Variants in RIC1 observed in about 807,000 individuals in gnomAD.
The protein encoded by RIC1 is RIC1 partner of RAB6A GEF complex.
In RIC1, 88 loss-of-function variants were observed where a neutral mutation model predicts 169.0. The observed-to-expected ratio is 0.52, with a 90% CI of 0.44 to 0.62. RIC1 has a LOEUF of 0.62. Among genes scored for constraint, RIC1 ranks in the 20% least tolerant of loss-of-function variants. The pLI is 0.00. For missense variants in RIC1, 1,877 were observed against 1,725.5 expected, an observed-to-expected ratio of 1.09 and a Z score of -1.56; for synonymous variants, 790 against 601.5, an observed-to-expected ratio of 1.31 and a Z score of -4.59.
intron 2 of RIC1, among the ~76,000 whole-genome samples, chr9:5,687,815 T>C (rs2130695070): frequency 6.6e-6 from 1 of 152,364 alleles, no homozygotes; most frequent in South Asian, 2.1e-4. Context: ...ATTTTTTTTC[T>C]GACTCTTACC....
At chr9:5,715,216 A>T (rs1281945883) in intron 4 of RIC1, among the ~76,000 whole-genome samples, 1 of 152,222 alleles carries the variant, frequency 6.6e-6, no homozygotes, top group Non-Finnish European at 1.5e-5. Context: ...CAAGAAAGTA[A>T]CTTGATACAT....
intron 6 of RIC1, among the ~76,000 whole-genome samples, chr9:5,728,320 A>G (rs1157803313): frequency 6.6e-6 from 1 of 152,252 alleles, no homozygotes; most frequent in Non-Finnish European, 1.5e-5. Context: ...GCAAGGCTCC[A>G]TGGGCATGGG....
At chr9:5,740,126 A>G (rs562691050) in intron 8 of RIC1, among the ~76,000 whole-genome samples, 2 of 152,314 alleles carry the variant, frequency 1.3e-5, no homozygotes, top group Admixed American at 6.5e-5. Context: ...GCAACCAACT[A>G]GCTTCATTAT....
intron 12 of RIC1, among the ~76,000 whole-genome samples, chr9:5,749,984 G>A (rs1825628535): frequency 1.3e-5 from 2 of 151,586 alleles, no homozygotes; most frequent in African/African-American, 4.9e-5. Flanking sequence ...TCACCATGTT[G>A]GCCAGGCTGG....
At chr9:5,659,341 AT>A (rs922324591) in intron 2 of RIC1, among the ~76,000 whole-genome samples, 8 of 152,122 alleles carry the variant, frequency 5.3e-5, no homozygotes, top group Non-Finnish European at 1.0e-4. Context: ...GAATCCTCCA[AT>A]TTTATTGTTG....
Position 5,770,225 on chromosome 9 carries a change from C to T in RIC1, c.3563C>T (p.Ser1188Leu). ...GPTHHEIDTA[S>L]SHGPQMQDAF... ...ACCCATCATGAGATAGACACAGCTT[C>T]ATCCCATGGACCACAAATGCAAGAT... Residue 1188 changes from serine (S) to leucine (L), a missense_variant, in exon 23 of 26, where the codon TCA becomes TTA. Transcript: ENST00000414202. The T allele has an allele frequency of 6.2e-7, 1 of 1,613,944 alleles. No homozygotes were observed. The highest frequency in any genetic ancestry group is 1.1e-5 in the South Asian group (1 of 91,058).
intron 1 of RIC1, among the ~76,000 whole-genome samples, chr9:5,630,436 A>G (rs1817664728): frequency 6.6e-6 from 1 of 152,122 alleles, no homozygotes; most frequent in Admixed American, 6.5e-5. Flanking sequence ...TCTTGTCCTT[A>G]TTAGGTGTTC....
chr9:5,629,825 C>G (rs1174242624), intron 1 of RIC1, among the ~76,000 whole-genome samples: 2 of 152,232 alleles, frequency 1.3e-5, no homozygotes, highest in African/African-American at 4.8e-5. Context: ...GAAATCCGGC[C>G]GCTGTGGTGC....
chr9:5,668,450 G>T (rs554874979), intron 2 of RIC1, among the ~76,000 whole-genome samples: 3 of 152,144 alleles, frequency 2.0e-5, no homozygotes, highest in Admixed American at 2.0e-4. Flanking sequence ...GTATATTCAC[G>T]GATTTCATTA....
chr9:5,727,616 G>A (rs77279513), intron 6 of RIC1, among the ~76,000 whole-genome samples: 6 of 152,196 alleles, frequency 3.9e-5, no homozygotes, highest in Non-Finnish European at 8.8e-5. Flanking sequence ...GAGGTGAAGA[G>A]GTGCTCTGAT....
At chr9:5,723,791 A>C (rs200083168) in intron 6 of RIC1, among the ~76,000 whole-genome samples, 6 of 152,146 alleles carry the variant, frequency 3.9e-5, no homozygotes, top group South Asian at 2.1e-4. Context: ...AGCCCGTTTT[A>C]CCAGCACCAT....
At chr9:5,745,607 G>GAGAGGCAGCTAAATTAAAGCAAT (rs1403455315) in intron 10 of RIC1, among the ~76,000 whole-genome samples, 4 of 152,118 alleles carry the variant, frequency 2.6e-5, no homozygotes, top group Non-Finnish European at 5.9e-5. Context: ...CTTTGTATTT[G>GAGAGGCAGCTAAATTAAAGCAAT]AGAGGCAGCT....
intron 3 of RIC1, among the ~76,000 whole-genome samples, chr9:5,708,601 A>G (rs1277964311): frequency 6.6e-6 from 1 of 152,120 alleles, no homozygotes; most frequent in South Asian, 2.1e-4. Context: ...ATGGTTTCCT[A>G]TGAAAAGTTG....
chr9:5,769,359 A>C (rs1827035776), intron 22 of RIC1, 103 bp downstream of exon 22: 2 of 1,611,000 alleles, frequency 1.2e-6, no homozygotes, highest in Non-Finnish European at 1.7e-6. Flanking sequence ...TTTTCATTCC[A>C]AACTTAGGAA....
intron 17 of RIC1, 111 bp downstream of exon 17, chr9:5,757,562 C>A: frequency 8.9e-7 from 1 of 1,128,030 alleles, no homozygotes; most frequent in Non-Finnish European, 1.3e-6. Context: ...CTAAAATGTA[C>A]CTTATATGAG....
At chr9:5,724,868 T>G (rs1823862356) in intron 6 of RIC1, among the ~76,000 whole-genome samples, 1 of 152,242 alleles carries the variant, frequency 6.6e-6, no homozygotes, top group Admixed American at 6.5e-5. Flanking sequence ...GTTATTGATT[T>G]TCGTATCTTG....
intron 17 of RIC1, among the ~76,000 whole-genome samples, chr9:5,761,984 G>A (rs548690167): frequency 5.1e-4 from 77 of 152,238 alleles, no homozygotes; most frequent in African/African-American, 1.7e-3. Context: ...TCTTATTCAA[G>A]AACCATAAGT....
chr9:5,649,476 A>G (rs775498467), intron 1 of RIC1, among the ~76,000 whole-genome samples: 3 of 152,058 alleles, frequency 2.0e-5, no homozygotes, highest in Non-Finnish European at 4.4e-5. Flanking sequence ...AAGCACTTGA[A>G]TGTATTTTTT....
rs925661233 is a variant in RIC1, at chr9:5,775,164, C to A, written c.*918C>A. On this transcript the variant is annotated 3_prime_UTR_variant, in exon 26 of 26. Coordinates refer to ENST00000414202, the MANE Select transcript of RIC1 (RefSeq NM_020829.4). ...AAATGGTCACACTGATCATGAAATG[C>A]AGCAAGTTTTGTGCAAATTAACATA... 8 of 152,276 alleles carry A rather than the reference C, an allele frequency of 5.3e-5. No homozygotes were observed. The highest frequency in any genetic ancestry group is 1.9e-4 in the African/African-American group (8 of 41,550). 9.4% of individuals were successfully genotyped at this position (152,276 alleles called of 1,614,324 possible).
Sources: gnomAD v4.1 joint callset for allele counts (sites outside exome capture counted in the v4.1 genomes callset) on GRCh38, gnomAD v4.1.1 for gene constraint, MANE v1.5 for transcripts, NCBI Gene and HGNC (gene_info 2026-07-23, HGNC 2026-07-21) for gene names.